PRRC2B: variants seen among roughly 807,000 people sequenced by gnomAD.
The protein encoded by PRRC2B is proline rich coiled-coil 2B, also known as protein PRRC2B.
PRRC2B carries 68 observed loss-of-function variants against 242.3 expected under a neutral mutation model. The observed-to-expected ratio is 0.28, with a 90% CI of 0.23 to 0.34. The LOEUF (loss-of-function observed/expected upper bound fraction) is 0.34, where lower values mean the gene tolerates loss of function less well. Among genes scored for constraint, PRRC2B ranks in the 10% least tolerant of loss-of-function variants. The pLI, the probability that PRRC2B is intolerant of heterozygous loss-of-function variation, is 1.00. For synonymous variants in PRRC2B, 1,228 were observed against 1,173.6 expected, an observed-to-expected ratio of 1.05 and a Z score of -0.95; for missense variants, 2,835 against 2,954.8, an observed-to-expected ratio of 0.96 and a Z score of 0.94.
chr9:131,385,635 T>C (rs1836815931), intron 1 of PRRC2B, among the ~76,000 whole-genome samples: 1 of 150,704 alleles, frequency 6.6e-6, no homozygotes, highest in Non-Finnish European at 1.5e-5. Context: ...CTTGCAAGTG[T>C]TAATTAAGTT....
Position 131,499,067 on chromosome 9 carries a change from CTT to C in PRRC2B, c.*3195_*3196del, listed in dbSNP as rs1317469110. 1.3e-5 allele frequency: 2 copies of C among 152,310 alleles called. No homozygotes were observed. The highest frequency in any genetic ancestry group is 1.9e-4 in the East Asian group (1 of 5,186). The allele number at this position is 152,310 out of a possible 1,614,324, so 9.4% of individuals were successfully genotyped here. ...CCTTAAGGGGGAAAACAAAAGATGA[CTT>C]TATTTCACATTCAAGAAAATCAGTT... On this transcript the variant is annotated 3_prime_UTR_variant, in exon 32 of 32. Coordinates refer to ENST00000683519, the MANE Select transcript of PRRC2B (RefSeq NM_013318.4).
At chr9:131,489,697 A>G (rs767577770) in intron 28 of PRRC2B, among the ~76,000 whole-genome samples, 21 of 152,116 alleles carry the variant, frequency 1.4e-4, no homozygotes, top group Non-Finnish European at 2.6e-4. Context: ...GAGCAGTGAC[A>G]GTCTCCAAGC....
At chr9:131,381,880 C>T (rs891624174) in intron 1 of PRRC2B, among the ~76,000 whole-genome samples, 20 of 151,814 alleles carry the variant, frequency 1.3e-4, no homozygotes, top group East Asian at 5.8e-4. Flanking sequence ...ACTGGGACTA[C>T]GGGCACGTAC....
intron 1 of PRRC2B, among the ~76,000 whole-genome samples, chr9:131,385,851 G>A (rs1173064822): frequency 4.0e-5 from 6 of 149,124 alleles, no homozygotes; most frequent in African/African-American, 1.2e-4. Context: ...CCACCACCAC[G>A]CCCGGCTAAT....
intron 1 of PRRC2B, among the ~76,000 whole-genome samples, chr9:131,412,049 C>G (rs537214865): frequency 1.3e-5 from 2 of 152,038 alleles, no homozygotes; most frequent in South Asian, 4.2e-4. Flanking sequence ...TCAAGCGATC[C>G]TCTCACTTCG....
chr9:131,422,271 T>A (rs1837864403), intron 1 of PRRC2B, among the ~76,000 whole-genome samples: 1 of 152,124 alleles, frequency 6.6e-6, no homozygotes. Context: ...GCCAGCATGG[T>A]CTCGATCTCT....
chr9:131,475,399 TGGG>T lies in PRRC2B; in HGVS notation c.3275_3277del (p.Gly1092del), dbSNP rs754941513. On this transcript the variant is annotated inframe_deletion, in exon 16 of 32. Transcript: ENST00000683519. ...GCGGAAATGGGAGCGGCCTCTGTGGTGGGGGGGTCCTGGGGGCCCGCAGCATCT... is the reference window on the plus strand; with the variant it reads ...GCGGAAATGGGAGCGGCCTCTGTGGTGGGGTCCTGGGGGCCCGCAGCATCT... The T allele has an allele frequency of 1.3e-6, 2 of 1,582,568 alleles. No individual in the cohort carries two copies. The highest frequency in any genetic ancestry group is 2.2e-5 in the East Asian group (1 of 44,578).
chr9:131,436,725 A>T lies in PRRC2B; in HGVS notation c.396+3A>T, dbSNP rs1263933944. 1 of 1,611,518 alleles carries T rather than the reference A, an allele frequency of 6.2e-7. No homozygotes were observed. Among genetic ancestry groups the T allele is most frequent in the East Asian group, 2.2e-5 (1 of 44,888 alleles). On this transcript the variant is annotated splice_donor_region_variant and intron_variant, in intron 4 of 31. Coordinates refer to ENST00000683519, the MANE Select transcript of PRRC2B (RefSeq NM_013318.4). ...CGACACAGTCAATCAGTCAGGAGGT[A>T]GGTGCTGGGACCCCATCCCAACTGT... is the stretch of plus-strand genomic sequence containing the variant.
chr9:131,478,347 A>G, intron 17 of PRRC2B, 127 bp from the exon 18 acceptor site: 1 of 915,758 alleles, frequency 1.1e-6, no homozygotes. Flanking sequence ...CGGCCTGAGA[A>G]AAGTGCGGAA....
rs369533990 is a variant in PRRC2B, at chr9:131,491,467, C to A, written c.6268C>A (p.Leu2090Met). 4 of 1,611,692 alleles carry A rather than the reference C, an allele frequency of 2.5e-6. 1 individual carries two copies. The South Asian group carries it at 4.4e-5, about 18-fold the overall frequency. ...LPRYGSGQQP[L>M]ILPQSIQLPP... ...TCGGTACGGCTCCGGGCAGCAGCCA[C>A]TGATCCTGCCCCAGTCTATTCAGCT... The change falls in exon 29 of 32, where the codon CTG (leucine) becomes ATG (methionine). Residue 2090 changes from leucine (L) to methionine (M), a missense_variant. Physicochemically the swap from Leu to Met is conservative, Grantham distance 15. Transcript: ENST00000683519.
Position 131,475,157 on chromosome 9 carries a change from C to T in PRRC2B, c.3028C>T (p.His1010Tyr), listed in dbSNP as rs767145429. 16 of 1,613,094 alleles carry T rather than the reference C, an allele frequency of 9.9e-6. No individual in the cohort carries two copies. Among genetic ancestry groups the T allele is most frequent in the East Asian group, 2.2e-5 (1 of 44,870 alleles). ...TTTLEDKGPG[H>Y]ATFGREATKF... ...CACTTTGGAGGACAAAGGCCCTGGCCATGCCACTTTTGGCCGCGAGGCCAC... is the reference window on the plus strand; with the variant it reads ...CACTTTGGAGGACAAAGGCCCTGGCTATGCCACTTTTGGCCGCGAGGCCAC... The change falls in exon 16 of 32, where the codon CAT becomes TAT. Residue 1010 changes from histidine (H) to tyrosine (Y), a missense_variant. This residue lies in a region of PRRC2B where 1,536 missense variants were observed against 1,483.1 expected (regional missense o/e 1.04). Transcript: ENST00000683519.
In PRRC2B at chr9:131,404,338, G is replaced by A. The variant is rs531993607; in HGVS notation, c.-52+10075G>A. Among the ~76,000 whole-genome samples the A allele has an allele frequency of 5.8e-4, 88 of 151,492 alleles. 1 individual carries two copies. Among genetic ancestry groups the A allele is most frequent in the African/African-American group, 2.1e-3 (87 of 41,230 alleles). ...GGGTTCAAGCAATTCTTCTGCCTCA[G>A]CCTCCCTAGTAGCTGGGATTACAGG... On this transcript the variant is annotated intron_variant, in intron 1 of 31. Coordinates refer to ENST00000683519, the MANE Select transcript of PRRC2B (RefSeq NM_013318.4).
chr9:131,376,028 A>C (rs573641158), intron 1 of PRRC2B, among the ~76,000 whole-genome samples: 213 of 136,116 alleles, frequency 1.6e-3, no homozygotes, highest in Non-Finnish European at 2.5e-3. Context: ...TAGCCTGAGC[A>C]ACAGAGTGAG....
intron 1 of PRRC2B, among the ~76,000 whole-genome samples, chr9:131,387,078 C>T (rs1202130448): frequency 7.3e-5 from 11 of 149,716 alleles, no homozygotes; most frequent in East Asian, 2.0e-4. Context: ...CTCGGCTCAC[C>T]GCCACCTCAG....
Position 131,439,047 on chromosome 9 carries a change from T to C in PRRC2B, c.455T>C (p.Val152Ala), listed in dbSNP as rs780027519. ...TGGGCACAGCTGAATGGAAAGCCAG[T>C]AGGACACGAAGGTGGTAAGTGCGCA... ...KSWAQLNGKP[V>A]GHEGGLRGSS... Residue 152 changes from valine (V) to alanine (A), a missense_variant, in exon 5 of 32, where the codon GTA (valine) becomes GCA (alanine). Coordinates refer to ENST00000683519, the MANE Select transcript of PRRC2B (RefSeq NM_013318.4). The C allele has an allele frequency of 2.5e-6, 4 of 1,613,630 alleles. No homozygotes were observed. In the Admixed American group the frequency reaches 5.0e-5, roughly 20 times the overall value.
In PRRC2B at chr9:131,482,075, C is replaced by T. The variant is rs536596473; in HGVS notation, c.4983+267C>T. ...GGGTGGGAAGAGGGATTCAGGGCCT[C>T]CTCTGAACTGGTGTCAGCAGCCACG... is the stretch of plus-strand genomic sequence containing the variant. On this transcript the variant is annotated intron_variant, in intron 20 of 31. Transcript: ENST00000683519. The surrounding 1 kb of genome is among the most constrained non-coding windows in gnomAD (Gnocchi z 5.2). Among the ~76,000 whole-genome samples the T allele has an allele frequency of 1.1e-4, 16 of 152,320 alleles. No individual in the cohort carries two copies. The highest frequency in any genetic ancestry group is 3.8e-4 in the African/African-American group (16 of 41,582).
intron 28 of PRRC2B, 50 bp downstream of exon 28, chr9:131,488,146 G>A (rs993643695): frequency 4.5e-6 from 7 of 1,561,570 alleles, no homozygotes; most frequent in African/African-American, 4.1e-5. Flanking sequence ...TTTCCTTCAC[G>A]ACCTTGCCTT....
chr9:131,456,593 A>C (rs144369235), intron 10 of PRRC2B, among the ~76,000 whole-genome samples: 2 of 151,656 alleles, frequency 1.3e-5, no homozygotes, highest in Non-Finnish European at 2.9e-5. Context: ...ATCACGCCAC[A>C]TGCCACTGCA....
intron 13 of PRRC2B, 39 bp from the exon 14 acceptor site, chr9:131,470,749 C>T (rs376428212): frequency 4.6e-5 from 72 of 1,572,388 alleles, no homozygotes; most frequent in African/African-American, 6.8e-5. Context: ...TGTCCCTGGC[C>T]GCACCAGCCT....
Sources: gnomAD v4.1 joint callset for allele counts (sites outside exome capture counted in the v4.1 genomes callset) on GRCh38, gnomAD v4.1.1 for gene constraint, gnomAD v4.1.1 regional missense constraint, Gnocchi (gnomAD v3.1) non-coding constraint, MANE v1.5 for transcripts, NCBI Gene and HGNC (gene_info 2026-07-23, HGNC 2026-07-21) for gene names.